NTRK2: variants seen among roughly 807,000 people sequenced by gnomAD.
NTRK2 encodes neurotrophic receptor tyrosine kinase 2.
In NTRK2, 13 loss-of-function variants were observed where a neutral mutation model predicts 94.5. The ratio of observed to expected loss-of-function variants is 0.14; its 90% confidence interval spans 0.09 to 0.22. The LOEUF (loss-of-function observed/expected upper bound fraction) is 0.22. Among genes scored for constraint, NTRK2 ranks in the 10% least tolerant of loss-of-function variants. The pLI, the probability that NTRK2 is intolerant of heterozygous loss-of-function variation, is 1.00. For missense variants in NTRK2, 639 were observed against 1,071.2 expected, an observed-to-expected ratio of 0.60 and a Z score of 5.63; for synonymous variants, 372 against 407.4, an observed-to-expected ratio of 0.91 and a Z score of 1.05.
intron 6 of NTRK2, among the ~76,000 whole-genome samples, chr9:84,722,160 C>CTT (rs36100177): frequency 0.096 from 6,444 of 67,194 alleles, 868 homozygotes; most frequent in East Asian, 0.19. Context: ...CTATTAGGGG[C>CTT]TTTTTTTTTT....
chr9:84,870,331 G>GTGTGTATATATA (rs1349303529), intron 14 of NTRK2, among the ~76,000 whole-genome samples: 769 of 31,098 alleles, frequency 0.025, 40 homozygotes, highest in Non-Finnish European at 0.033. Context: ...GTGTGTGTGT[G>GTGTGTATATATA]TATATATATA....
chr9:84,978,468 G>A (rs191189643), intron 17 of NTRK2, among the ~76,000 whole-genome samples: 1 of 152,338 alleles, frequency 6.6e-6, no homozygotes, highest in Non-Finnish European at 1.5e-5. Flanking sequence ...TGAGAGAGGA[G>A]AGAAAGCTGC....
intron 6 of NTRK2, among the ~76,000 whole-genome samples, chr9:84,714,206 A>G (rs1221434679): frequency 1.3e-5 from 2 of 151,932 alleles, no homozygotes; most frequent in African/African-American, 2.4e-5. Context: ...AATTTCCACA[A>G]TCTCTCGTGA....
At chr9:84,793,610 A>C (rs1841396704) in intron 12 of NTRK2, among the ~76,000 whole-genome samples, 1 of 152,224 alleles carries the variant, frequency 6.6e-6, no homozygotes, top group African/African-American at 2.4e-5. Context: ...TATAGTTTTT[A>C]AATGGTTGTT....
intron 14 of NTRK2, among the ~76,000 whole-genome samples, chr9:84,896,251 C>T (rs980966941): frequency 6.6e-6 from 1 of 152,204 alleles, no homozygotes; most frequent in Admixed American, 6.5e-5. Context: ...TGATTTGTGA[C>T]ATACGCCCTG....
At chr9:85,002,978 A>G (rs899652224) in intron 17 of NTRK2, among the ~76,000 whole-genome samples, 5 of 152,156 alleles carry the variant, frequency 3.3e-5, no homozygotes, top group African/African-American at 1.2e-4. Flanking sequence ...AGTTGGAGAA[A>G]CAGTTGGGGG....
At chr9:84,918,001 G>A (rs532680969) in intron 14 of NTRK2, among the ~76,000 whole-genome samples, 44 of 152,312 alleles carry the variant, frequency 2.9e-4, no homozygotes, top group African/African-American at 9.9e-4. Flanking sequence ...AATCAAGAGA[G>A]AATGGAAAGC....
chr9:84,689,794 C>T (rs901848922), intron 2 of NTRK2, among the ~76,000 whole-genome samples: 27 of 152,128 alleles, frequency 1.8e-4, no homozygotes, highest in Admixed American at 3.9e-4. Flanking sequence ...ATAACCTTAC[C>T]TCCCTCTAGT....
At chr9:84,753,804 GA>G (rs1376664826) in intron 12 of NTRK2, among the ~76,000 whole-genome samples, 2 of 152,200 alleles carry the variant, frequency 1.3e-5, no homozygotes, top group African/African-American at 4.8e-5. Context: ...TTCTGGTCTT[GA>G]AGGGTTTAGT....
At chr9:84,827,961 A>G (rs1238729864) in intron 12 of NTRK2, among the ~76,000 whole-genome samples, 1 of 152,202 alleles carries the variant, frequency 6.6e-6, no homozygotes, top group Non-Finnish European at 1.5e-5. Flanking sequence ...AATCTAGTCC[A>G]AACCCTTAAC....
intron 14 of NTRK2, chr9:84,871,641 C>T (rs1182692407): frequency 6.5e-6 from 5 of 769,304 alleles, no homozygotes; most frequent in Non-Finnish European, 9.6e-6. Flanking sequence ...TCAATTATAT[C>T]CCTTGAAGTA....
intron 12 of NTRK2, among the ~76,000 whole-genome samples, chr9:84,827,416 T>C (rs1018519283): frequency 3.9e-5 from 6 of 152,230 alleles, no homozygotes; most frequent in African/African-American, 1.4e-4. Context: ...GGAGCTTATG[T>C]TCTCTGAGCG....
chr9:84,998,616 C>T (rs1370690941), intron 17 of NTRK2, among the ~76,000 whole-genome samples: 1 of 152,124 alleles, frequency 6.6e-6, no homozygotes, highest in Non-Finnish European at 1.5e-5. Context: ...TTGAATCCTC[C>T]CCTGTCTCAC....
chr9:84,989,483 C>A (rs1214933667), intron 17 of NTRK2, among the ~76,000 whole-genome samples: 1 of 152,300 alleles, frequency 6.6e-6, no homozygotes, highest in East Asian at 1.9e-4. Context: ...CCATTCATTT[C>A]TTGACATTGC....
At chr9:84,671,923 T>A (rs182997819) in intron 2 of NTRK2, among the ~76,000 whole-genome samples, 1 of 152,240 alleles carries the variant, frequency 6.6e-6, no homozygotes, top group Non-Finnish European at 1.5e-5. Flanking sequence ...TGTTATCATT[T>A]TTTTCCTGAA....
intron 12 of NTRK2, among the ~76,000 whole-genome samples, chr9:84,777,121 G>T (rs1163009198): frequency 6.6e-6 from 1 of 152,148 alleles, no homozygotes; most frequent in Non-Finnish European, 1.5e-5. Context: ...TTCCAGTCTG[G>T]GCATTCAGTT....
intron 9 of NTRK2, among the ~76,000 whole-genome samples, chr9:84,731,255 C>CA (rs1228054439): frequency 6.6e-6 from 1 of 151,964 alleles, no homozygotes; most frequent in African/African-American, 2.4e-5. Context: ...AGCAACATGG[C>CA]AAAACCCCTT....
chr9:84,931,180 G>A (rs2078013817), intron 14 of NTRK2, among the ~76,000 whole-genome samples: 1 of 152,156 alleles, frequency 6.6e-6, no homozygotes, highest in Non-Finnish European at 1.5e-5. Context: ...GCCAAGGTGG[G>A]TGGATCACGA....
intron 12 of NTRK2, among the ~76,000 whole-genome samples, chr9:84,788,397 T>A (rs1163990809): frequency 6.6e-6 from 1 of 152,202 alleles, no homozygotes; most frequent in Non-Finnish European, 1.5e-5. Context: ...GAGAAGGTCA[T>A]CTTTGAGAAG....
Sources: allele counts gnomAD v4.1 joint callset (sites outside exome capture counted in the v4.1 genomes callset), GRCh38; gene constraint gnomAD v4.1.1; transcripts MANE v1.5; gene names NCBI Gene and HGNC (gene_info 2026-07-23, HGNC 2026-07-21).